The following CAST variants were observed in gnomAD, a reference collection of about 807,000 sequenced individuals.
CAST encodes the protein MIR583 host.
In CAST, 76 loss-of-function variants were observed where a neutral mutation model predicts 119.6. That is an observed-to-expected ratio of 0.64 (90% CI 0.53 to 0.77). CAST has a LOEUF of 0.77. Ranked by LOEUF, CAST falls within the 30% of genes least tolerant of loss-of-function variation. The pLI, the probability that CAST is intolerant of heterozygous loss-of-function variation, is 0.00. For synonymous variants in CAST, 319 were observed against 331.6 expected, an observed-to-expected ratio of 0.96 and a Z score of 0.41; for missense variants, 953 against 946.5, an observed-to-expected ratio of 1.01 and a Z score of -0.09.
intron 3 of CAST, among the ~76,000 whole-genome samples, chr5:96,703,484 A>G (rs1046157477): frequency 2.0e-5 from 3 of 152,242 alleles, no homozygotes; most frequent in African/African-American, 7.2e-5. Flanking sequence ...CGGTTGTAGA[A>G]TAACATCACT....
the CAST span, among the ~76,000 whole-genome samples, chr5:95,984,327 A>G: frequency 6.6e-6 from 1 of 152,164 alleles, no homozygotes; most frequent in Non-Finnish European, 1.5e-5. Context: ...TTTACTTTAA[A>G]TTTTACTTTC....
At position 96,592,134 on chromosome 5, in the gene CAST, T is replaced by G. The variant is rs7706893; in HGVS notation, c.60+62254T>G. 7.9e-5 allele frequency among the ~76,000 whole-genome samples: 12 copies of G among 152,084 alleles called. 1 individual carries two copies. The highest frequency in any genetic ancestry group is 2.9e-4 in the African/African-American group (12 of 41,492). The stretch of plus-strand genomic sequence containing the variant: ...AGCTATGGCCGGGTGCGGTGGCTCA[T>G]GCCTGTGGTCCTGGCAATTTGGGAG... On this transcript the variant is annotated intron_variant, in intron 1 of 11. Transcript: ENST00000505143.
At chr5:96,482,704 C>T in the CAST span, among the ~76,000 whole-genome samples, 28 of 152,250 alleles carry the variant, frequency 1.8e-4, no homozygotes, top group South Asian at 5.6e-3. Context: ...CATTTATCTT[C>T]ATGGCTGTGG....
chr5:95,986,140 A>G, the CAST span: 3 of 152,244 alleles, frequency 2.0e-5, no homozygotes, highest in African/African-American at 4.8e-5. Flanking sequence ...AACAGAGTAG[A>G]TGTTTCTATG....
the CAST span, among the ~76,000 whole-genome samples, chr5:96,276,843 C>T: frequency 6.6e-6 from 1 of 152,148 alleles, no homozygotes; most frequent in South Asian, 2.1e-4. Context: ...TTGCTGATAG[C>T]ATTTTTATGA....
At chr5:96,607,707 A>C (rs1390864343) in intron 1 of CAST, among the ~76,000 whole-genome samples, 1 of 151,348 alleles carries the variant, frequency 6.6e-6, no homozygotes, top group East Asian at 2.0e-4. Context: ...TTTGTTCTTT[A>C]AGTCAGTTGG....
chr5:96,592,545 TCC>T (rs1388777264), intron 1 of CAST, among the ~76,000 whole-genome samples: 1 of 152,192 alleles, frequency 6.6e-6, no homozygotes, highest in African/African-American at 2.4e-5. Flanking sequence ...AACTAAAGAA[TCC>T]CAGTTTTAGC....
the CAST span, among the ~76,000 whole-genome samples, chr5:96,400,547 G>A: frequency 6.6e-6 from 1 of 152,168 alleles, no homozygotes; most frequent in African/African-American, 2.4e-5. Context: ...ATGCCCTCCA[G>A]TCTCATGCTG....
At chr5:96,363,733 G>A in the CAST span, among the ~76,000 whole-genome samples, 2 of 152,200 alleles carry the variant, frequency 1.3e-5, no homozygotes, top group Admixed American at 6.5e-5. Flanking sequence ...AGGAGGTTTT[G>A]GGCTAAGACG....
the CAST span, among the ~76,000 whole-genome samples, chr5:96,205,858 C>T: frequency 1.3e-5 from 2 of 151,928 alleles, no homozygotes; most frequent in Non-Finnish European, 2.9e-5. Context: ...GGTGCTGGGT[C>T]AAATGGTAGC....
chr5:96,405,407 A>C, the CAST span, among the ~76,000 whole-genome samples: 1 of 152,148 alleles, frequency 6.6e-6, no homozygotes, highest in East Asian at 1.9e-4. Flanking sequence ...AACCCATCTG[A>C]GTGTTTCACA....
At chr5:96,224,231 G>C in the CAST span, among the ~76,000 whole-genome samples, 4 of 152,164 alleles carry the variant, frequency 2.6e-5, no homozygotes, top group African/African-American at 9.7e-5. Context: ...AAGTTATGTG[G>C]GGTGAAGAGT....
chr5:96,567,566 G>A (rs1380104066), intron 1 of CAST, among the ~76,000 whole-genome samples: 2 of 152,134 alleles, frequency 1.3e-5, no homozygotes, highest in Non-Finnish European at 2.9e-5. Flanking sequence ...AGGGGCTGCT[G>A]CTTGTGTAAA....
At chr5:96,652,019 T>C (rs1358862623) in intron 1 of CAST, among the ~76,000 whole-genome samples, 1 of 152,224 alleles carries the variant, frequency 6.6e-6, no homozygotes, top group Non-Finnish European at 1.5e-5. Flanking sequence ...ACAAAGATAC[T>C]GAGTCTCAGA....
Position 96,736,174 on chromosome 5 carries a change from A to G in CAST, c.633A>G (p.Lys211=), listed in dbSNP as rs375343424. 11 of 1,608,294 alleles carry G rather than the reference A, an allele frequency of 6.8e-6. No homozygotes were observed. The African/African-American group carries it at 1.5e-4, about 22-fold the overall frequency. The change falls in exon 10 of 32, where the codon AAA becomes AAG. Residue 211 remains lysine, a splice_region_variant and synonymous_variant. Coordinates refer to ENST00000675179, the MANE Select transcript of CAST (RefSeq NM_001750.7). ...GTTAATTTCTCAATTCTCACCAGAA[A>G]AAAGAAAAGAAATCATTAACCCCAG... ...TAISGKPGDK[K]KEKKSLTPAV...
the CAST span, among the ~76,000 whole-genome samples, chr5:96,092,283 A>T: frequency 6.6e-6 from 1 of 152,194 alleles, no homozygotes; most frequent in Non-Finnish European, 1.5e-5. Context: ...TCTTATCCTC[A>T]AGACCACTGG....
At chr5:96,033,418 A>C in the CAST span, among the ~76,000 whole-genome samples, 1 of 152,210 alleles carries the variant, frequency 6.6e-6, no homozygotes, top group Non-Finnish European at 1.5e-5. Context: ...AGGTATGGTA[A>C]CCAAAACAGC....
chr5:96,751,278 A>G (rs917006827), intron 20 of CAST, among the ~76,000 whole-genome samples: 9 of 152,144 alleles, frequency 5.9e-5, no homozygotes, highest in African/African-American at 9.7e-5. Context: ...TTATATTTCA[A>G]TTGTATTTCA....
the CAST span, among the ~76,000 whole-genome samples, chr5:96,050,855 C>T: frequency 1.3e-5 from 2 of 151,974 alleles, no homozygotes; most frequent in South Asian, 2.1e-4. Flanking sequence ...GGAGCGGGCT[C>T]GGAAATGTGG....
Sources: gnomAD v4.1 joint callset for allele counts (sites outside exome capture counted in the v4.1 genomes callset) on GRCh38, gnomAD v4.1.1 for gene constraint, MANE v1.5 for transcripts, NCBI Gene and HGNC (gene_info 2026-07-23, HGNC 2026-07-21) for gene names.